SLC9C2: variants seen among roughly 807,000 people sequenced by gnomAD.
SLC9C2 encodes the protein solute carrier family 9 member C2 (putative), also known as sodium/hydrogen exchanger 11.
SLC9C2 carries 75 observed loss-of-function variants against 140.2 expected under a neutral mutation model. That is an observed-to-expected ratio of 0.53 (90% CI 0.44 to 0.65). The LOEUF is 0.65. Among genes scored for constraint, SLC9C2 ranks in the 30% least tolerant of loss-of-function variants. The pLI is 0.00. For synonymous variants in SLC9C2, 375 were observed against 420.9 expected (o/e 0.89, Z 1.34); for missense variants, 1,074 against 1,331.8 (o/e 0.81, Z 3.01).
chr1:173,570,370 G>C (rs548159312), intron 9 of SLC9C2, among the ~76,000 whole-genome samples: 1 of 152,086 alleles, frequency 6.6e-6, no homozygotes, highest in Admixed American at 6.6e-5. Context: ...TGAACTGGGG[G>C]CCTCAAAACT....
chr1:173,544,535 GCTA>G (rs1211297154), intron 13 of SLC9C2, among the ~76,000 whole-genome samples: 1 of 152,106 alleles, frequency 6.6e-6, no homozygotes, highest in African/African-American at 2.4e-5. Flanking sequence ...TATAAATCAT[GCTA>G]CTATAAAGAT....
intron 18 of SLC9C2, among the ~76,000 whole-genome samples, chr1:173,528,212 A>G (rs1163942668): frequency 6.6e-6 from 1 of 152,228 alleles, no homozygotes; most frequent in Admixed American, 6.5e-5. Context: ...GAACCAAGTC[A>G]GTTTCAGAAT....
chr1:173,538,076 C>T (rs145761933), intron 13 of SLC9C2, among the ~76,000 whole-genome samples: 89 of 152,334 alleles, frequency 5.8e-4, no homozygotes, highest in African/African-American at 1.9e-3. Flanking sequence ...AATTCTCATT[C>T]ACTCATTAGC....
intron 27 of SLC9C2, among the ~76,000 whole-genome samples, chr1:173,502,192 G>C (rs1659324579): frequency 7.5e-6 from 1 of 133,882 alleles, no homozygotes; most frequent in African/African-American, 2.9e-5. Flanking sequence ...AGAATCGCTT[G>C]AATCCAGGAA....
chr1:173,587,396 A>G, intron 5 of SLC9C2, among the ~76,000 whole-genome samples: 1 of 152,160 alleles, frequency 6.6e-6, no homozygotes, highest in East Asian at 1.9e-4. Flanking sequence ...GCCAATTTTT[A>G]TCACCTTCTA....
Position 173,534,806 on chromosome 1 carries a change from A to G in SLC9C2, c.1776-124T>C. 5.1e-6 allele frequency: 4 copies of G among 779,932 alleles called. 1 individual carries two copies. The South Asian group carries it at 1.3e-4, about 26-fold the overall frequency. 48.3% of individuals were successfully genotyped at this position (779,932 alleles called of 1,614,324 possible). On this transcript the variant is annotated intron_variant, in intron 15 of 27. Coordinates refer to ENST00000367714, the MANE Select transcript of SLC9C2 (RefSeq NM_178527.4). ...ACTATACATAATATAAAATAATAGT[A>G]AGCAAAAATCAAAAGCATATTTTCT...
intron 11 of SLC9C2, among the ~76,000 whole-genome samples, 186 bp downstream of exon 11, chr1:173,554,547 C>T (rs1464196938): frequency 2.0e-5 from 3 of 152,162 alleles, no homozygotes; most frequent in East Asian, 3.8e-4. Context: ...CTGTTCATTT[C>T]GCTTTTGTTA....
rs1660516079 is a variant in SLC9C2 at position 173,517,697 on chromosome 1, C to T, written c.2747G>A (p.Ser916Asn). 2 of 1,603,924 alleles carry T rather than the reference C, an allele frequency of 1.2e-6. No homozygotes were observed. Among genetic ancestry groups the T allele is most frequent in the South Asian group, 1.1e-5 (1 of 88,336 alleles). The change falls in exon 23 of 28, where the codon AGT becomes AAT. Residue 916 changes from serine to asparagine, a missense_variant. Coordinates refer to ENST00000367714, the MANE Select transcript of SLC9C2 (RefSeq NM_178527.4). ...LIISGMAILH[S>N]LSPTFGIESN... ...CTCTATTCCAAAGGTAGGAGATAAA[C>T]TATGCAACTGCAAAGGGAAAAAAAG... is the stretch of plus-strand genomic sequence containing the variant.
chr1:173,505,124 A>G, intron 26 of SLC9C2, 123 bp downstream of exon 26: 1 of 781,594 alleles, frequency 1.3e-6, no homozygotes, highest in South Asian at 1.9e-5. Flanking sequence ...GGGCCCAAGG[A>G]TGGGGACTAA....
intron 25 of SLC9C2, among the ~76,000 whole-genome samples, chr1:173,505,917 G>A (rs1659604246): frequency 6.8e-6 from 1 of 146,724 alleles, no homozygotes; most frequent in South Asian, 2.1e-4. Context: ...TAGGCACAGG[G>A]ATCAAGTTTT....
At chr1:173,591,547 T>C (rs2102251596) in intron 4 of SLC9C2, among the ~76,000 whole-genome samples, 1 of 152,326 alleles carries the variant, frequency 6.6e-6, no homozygotes, top group South Asian at 2.1e-4. Flanking sequence ...TATTATTTTT[T>C]GACTTTTTAA....
At chr1:173,575,520 G>A (rs1339487847) in intron 8 of SLC9C2, among the ~76,000 whole-genome samples, 1 of 152,044 alleles carries the variant, frequency 6.6e-6, no homozygotes, top group East Asian at 1.9e-4. Context: ...ATTCACATAC[G>A]CACAAAACTG....
intron 4 of SLC9C2, among the ~76,000 whole-genome samples, chr1:173,595,002 T>C (rs923059546): frequency 3.3e-5 from 5 of 152,180 alleles, no homozygotes; most frequent in African/African-American, 9.7e-5. Flanking sequence ...CAGGTTCAAG[T>C]GATGCTGCTG....
At chr1:173,537,222 T>C (rs1662034235) in intron 13 of SLC9C2, among the ~76,000 whole-genome samples, 183 bp from the exon 14 acceptor site, 1 of 152,216 alleles carries the variant, frequency 6.6e-6, no homozygotes, top group Admixed American at 6.5e-5. Flanking sequence ...TACTCATTTT[T>C]ATAAAGTATA....
intron 9 of SLC9C2, among the ~76,000 whole-genome samples, chr1:173,558,900 G>A (rs1663901226): frequency 6.6e-6 from 1 of 152,178 alleles, no homozygotes; most frequent in Non-Finnish European, 1.5e-5. Flanking sequence ...AGTTCAGCAA[G>A]ATCTCTGGCA....
chr1:173,519,123 G>A (rs536712556), intron 22 of SLC9C2, among the ~76,000 whole-genome samples: 5 of 152,102 alleles, frequency 3.3e-5, no homozygotes, highest in East Asian at 1.9e-4. Flanking sequence ...GGAATATTGC[G>A]GGGACTGTAA....
At chr1:173,528,488 T>C (rs763741338) in intron 18 of SLC9C2, among the ~76,000 whole-genome samples, 2 of 152,208 alleles carry the variant, frequency 1.3e-5, no homozygotes, top group Non-Finnish European at 2.9e-5. Flanking sequence ...CAATCCAGCC[T>C]TTGAGTAGTT....
intron 21 of SLC9C2, among the ~76,000 whole-genome samples, chr1:173,521,726 T>A (rs1347593655): frequency 6.6e-6 from 1 of 151,350 alleles, no homozygotes; most frequent in African/African-American, 2.4e-5. Flanking sequence ...ATATGCATAT[T>A]TATGAATGAA....
intron 21 of SLC9C2, among the ~76,000 whole-genome samples, chr1:173,523,198 C>A (rs934449944): frequency 1.2e-4 from 19 of 152,022 alleles, no homozygotes; most frequent in Non-Finnish European, 2.8e-4. Flanking sequence ...ATGATGAAAC[C>A]CCGTCTCTAC....
Sources: gnomAD v4.1 joint callset for allele counts (sites outside exome capture counted in the v4.1 genomes callset) on GRCh38, gnomAD v4.1.1 for gene constraint, MANE v1.5 for transcripts, NCBI Gene and HGNC (gene_info 2026-07-23, HGNC 2026-07-21) for gene names.